CD163L1: variants seen among roughly 807,000 people sequenced by gnomAD.
CD163L1 encodes the protein scavenger receptor cysteine-rich type 1 protein M160.
A neutral mutation model predicts 165.4 loss-of-function variants in CD163L1; 124 were observed. The observed-to-expected ratio is 0.75, with a 90% CI of 0.65 to 0.87. CD163L1 has a LOEUF of 0.87. Ranked by LOEUF, CD163L1 falls within the 40% of genes least tolerant of loss-of-function variation. CD163L1 has a pLI of 0.00. For missense variants in CD163L1, 1,525 were observed against 1,799.9 expected, an observed-to-expected ratio of 0.85 and a Z score of 2.76; for synonymous variants, 585 against 662.2, an observed-to-expected ratio of 0.88 and a Z score of 1.79.
intron 8 of CD163L1, among the ~76,000 whole-genome samples, chr12:7,394,206 T>C (rs1947723923): frequency 6.6e-6 from 1 of 151,912 alleles, no homozygotes; most frequent in South Asian, 2.1e-4. Context: ...ACTACAAGGC[T>C]ATAGTAACCA....
intron 2 of CD163L1, among the ~76,000 whole-genome samples, chr12:7,438,486 G>A (rs1948769574): frequency 6.6e-6 from 1 of 152,170 alleles, no homozygotes; most frequent in South Asian, 2.1e-4. Flanking sequence ...AAAATAAGCT[G>A]ATGAAGCTAT....
intron 2 of CD163L1, chr12:7,438,680 A>T: frequency 1.6e-6 from 1 of 634,828 alleles, no homozygotes; most frequent in Non-Finnish European, 2.6e-6. Flanking sequence ...GCCCATGGTC[A>T]TAAACACTTT....
the CD163L1 span, among the ~76,000 whole-genome samples, chr12:7,330,275 A>T: frequency 2.0e-5 from 3 of 152,346 alleles, no homozygotes; most frequent in East Asian, 5.8e-4. Flanking sequence ...TAGCCATTAA[A>T]TAAACATAGC....
intron 2 of CD163L1, among the ~76,000 whole-genome samples, chr12:7,436,804 G>A (rs1948720783): frequency 6.6e-6 from 1 of 151,972 alleles, no homozygotes; most frequent in African/African-American, 2.4e-5. Context: ...CAATTTCTGT[G>A]TCAGATCTAT....
At chr12:7,388,771 G>C (rs768848276) in intron 8 of CD163L1, among the ~76,000 whole-genome samples, 5 of 151,184 alleles carry the variant, frequency 3.3e-5, no homozygotes, top group East Asian at 1.9e-4. Context: ...AAGTGGGGGG[G>C]GCAAAGGATA....
chr12:7,377,417 C>T (rs958453076), intron 9 of CD163L1, among the ~76,000 whole-genome samples: 1 of 152,156 alleles, frequency 6.6e-6, no homozygotes, highest in Non-Finnish European at 1.5e-5. Context: ...AACAGCACTA[C>T]TCTAGAATCT....
intron 18 of CD163L1, among the ~76,000 whole-genome samples, chr12:7,366,000 G>A (rs895603323): frequency 4.6e-5 from 7 of 152,092 alleles, no homozygotes; most frequent in Non-Finnish European, 1.0e-4. Context: ...AAATATGGAA[G>A]CAGCCTAAGT....
chr12:7,389,960 T>TTATATATATATATATATATATA (rs59235889), intron 8 of CD163L1, among the ~76,000 whole-genome samples: 11 of 135,954 alleles, frequency 8.1e-5, no homozygotes, highest in African/African-American at 2.8e-4. Flanking sequence ...ATATATATAT[T>TTATATATATATATATATATATA]TATATATATA....
At position 7,347,363 on chromosome 12, in the gene CD163L1, T is replaced by C. The variant is rs1282948527; in HGVS notation, c.*25-216A>G. ...TACCTGATGTATTTATTTAAAAATA[T>C]TCTTTGTAACCCAATCTCTGGGATG... On this transcript the variant is annotated intron_variant, in intron 4 of 4. Coordinates refer to the CD163L1 transcript ENST00000539726. The surrounding 1 kb of genome is among the most constrained non-coding windows in gnomAD (Gnocchi z 4.2). 6.6e-6 allele frequency among the ~76,000 whole-genome samples: 1 copy of C among 152,226 alleles called. No homozygotes were observed. The highest frequency in any genetic ancestry group is 1.5e-5 in the Non-Finnish European group (1 of 68,034).
At chr12:7,332,898 A>G in the CD163L1 span, among the ~76,000 whole-genome samples, 1 of 152,344 alleles carries the variant, frequency 6.6e-6, no homozygotes, top group Admixed American at 6.5e-5. Flanking sequence ...TAACCAGCTA[A>G]CATCATAATG....
chr12:7,323,231 T>A, the CD163L1 span: 2 of 1,605,114 alleles, frequency 1.2e-6, no homozygotes, highest in Non-Finnish European at 1.7e-6. Flanking sequence ...GTCCTCTCAA[T>A]AGGGAATGAT....
chr12:7,440,172 C>T (rs1256785656), intron 2 of CD163L1, among the ~76,000 whole-genome samples: 1 of 152,240 alleles, frequency 6.6e-6, no homozygotes, highest in Non-Finnish European at 1.5e-5. Flanking sequence ...CTCTTGGCTC[C>T]GGGTAGCCGG....
At chr12:7,370,194 T>C (rs1298034368) in intron 14 of CD163L1, among the ~76,000 whole-genome samples, 1 of 152,182 alleles carries the variant, frequency 6.6e-6, no homozygotes, top group Admixed American at 6.5e-5. Context: ...GCTTTGGCAC[T>C]AGTGACCTCT....
At chr12:7,341,156 A>C in the CD163L1 span, among the ~76,000 whole-genome samples, 2 of 152,236 alleles carry the variant, frequency 1.3e-5, no homozygotes, top group African/African-American at 4.8e-5. Context: ...GAAGAACATT[A>C]GTCCAGATTT....
intron 8 of CD163L1, among the ~76,000 whole-genome samples, chr12:7,385,346 C>T (rs1052062766): frequency 6.6e-6 from 1 of 151,176 alleles, no homozygotes; most frequent in African/African-American, 2.4e-5. Context: ...AACAATGAAG[C>T]ACTCAGACAT....
At chr12:7,324,385 T>A in the CD163L1 span, 2 of 1,613,990 alleles carry the variant, frequency 1.2e-6, no homozygotes, top group Non-Finnish European at 1.7e-6. Context: ...GCTGATGATG[T>A]CATTATATCC....
chr12:7,327,190 A>T, the CD163L1 span: 1 of 1,364,746 alleles, frequency 7.3e-7, no homozygotes, highest in South Asian at 1.5e-5. Context: ...ATAGTAGCTC[A>T]TTATATAGGT....
At chr12:7,362,142 CTATAT>C (rs1469871002) in intron 18 of CD163L1, among the ~76,000 whole-genome samples, 6 of 145,402 alleles carry the variant, frequency 4.1e-5, no homozygotes, top group Non-Finnish European at 1.5e-5. Context: ...ATTATATATA[CTATAT>C]ATTATTTTTA....
At chr12:7,431,042 G>T (rs1299695131) in intron 4 of CD163L1, among the ~76,000 whole-genome samples, 4 of 152,156 alleles carry the variant, frequency 2.6e-5, no homozygotes, top group Non-Finnish European at 4.4e-5. Context: ...ACTGGGGAGA[G>T]GTCGTTGCTT....
Sources: gnomAD v4.1 joint callset for allele counts (sites outside exome capture counted in the v4.1 genomes callset) on GRCh38, gnomAD v4.1.1 for gene constraint, Gnocchi (gnomAD v3.1) non-coding constraint, MANE v1.5 for transcripts, NCBI Gene and HGNC (gene_info 2026-07-23, HGNC 2026-07-21) for gene names.